The following DDX39B variants were observed in gnomAD, a reference collection of about 807,000 sequenced individuals.
DDX39B encodes the protein spliceosome RNA helicase DDX39B.
In DDX39B, 6 loss-of-function variants were observed where a neutral mutation model predicts 46.4. That is an observed-to-expected ratio of 0.13 (90% CI 0.07 to 0.26). The LOEUF (loss-of-function observed/expected upper bound fraction) is 0.26. DDX39B is among the 10% of genes least tolerant of loss of function. DDX39B has a pLI of 1.00. For missense variants in DDX39B, 185 were observed against 553.4 expected (o/e 0.33, Z 6.68); for synonymous variants, 174 against 199.4 (o/e 0.87, Z 1.07).
Position 31,534,650 on chromosome 6 carries a change from C to A in DDX39B, c.735+717G>T. 2 of 369,604 alleles carry A rather than the reference C, an allele frequency of 5.4e-6. No individual in the cohort carries two copies. The highest frequency in any genetic ancestry group is 2.1e-5 in the South Asian group (1 of 47,484). The allele number at this position is 369,604 out of a possible 1,614,324, so 22.9% of individuals were successfully genotyped here. ...AAAAAACCGGGAACGGAAAAAGAGG[C>A]TGGTTTGGTCCTCAGCTTCCTGGTC... On this transcript the variant is annotated intron_variant, in intron 6 of 10. Transcript: ENST00000396172. The surrounding 1 kb of genome is among the most constrained non-coding windows in gnomAD (Gnocchi z 5.1).
intron 4 of DDX39B, among the ~76,000 whole-genome samples, chr6:31,536,894 GACAATA>G (rs1222065935): frequency 6.6e-6 from 1 of 152,174 alleles, no homozygotes; most frequent in Non-Finnish European, 1.5e-5. Context: ...GAGCAGTCAG[GACAATA>G]ATTCAGTTCT....
intron 4 of DDX39B, among the ~76,000 whole-genome samples, chr6:31,538,370 G>C (rs1251485322): frequency 6.6e-6 from 1 of 151,992 alleles, no homozygotes; most frequent in Non-Finnish European, 1.5e-5. Context: ...TGGCCACATT[G>C]GTCTTAAACT....
chr6:31,536,474 A>G, intron 5 of DDX39B, 26 bp downstream of exon 5: 2 of 1,613,026 alleles, frequency 1.2e-6, no homozygotes, highest in Non-Finnish European at 1.7e-6. Context: ...CCCCAGCATT[A>G]GCCAAGCCCC....
chr6:31,536,231 A>C, intron 5 of DDX39B: 1 of 551,528 alleles, frequency 1.8e-6, no homozygotes. Flanking sequence ...CTATAATGAA[A>C]ACGGTGGTGG....
intron 3 of DDX39B, 68 bp from the exon 4 acceptor site, chr6:31,538,923 CTG>C (rs2150342360): frequency 1.3e-6 from 2 of 1,548,616 alleles, no homozygotes; most frequent in Non-Finnish European, 1.8e-6. Context: ...AGGGAAGTGA[CTG>C]TCACAAAAAC....
At position 31,534,721 on chromosome 6, in the gene DDX39B, G is replaced by A. The variant is rs1767587336; in HGVS notation, c.735+646C>T. The A allele has an allele frequency of 2.8e-5, 10 of 351,020 alleles. No homozygotes were observed. The highest frequency in any genetic ancestry group is 1.1e-4 in the South Asian group (5 of 44,818). 21.7% of individuals were successfully genotyped at this position (351,020 alleles called of 1,614,324 possible). On this transcript the variant is annotated intron_variant, in intron 6 of 10. Coordinates refer to ENST00000396172, the MANE Select transcript of DDX39B (RefSeq NM_004640.7). This position sits in a 1 kb window ranked among gnomAD's most constrained non-coding sequence, Gnocchi z 5.1. ...CTGCCGCCATCCACCGCTGGGTGCC[G>A]TCTGCATTCCCTCGCCGCGCCACGG...
chr6:31,538,348 G>A (rs1768016090), intron 4 of DDX39B, among the ~76,000 whole-genome samples: 1 of 151,994 alleles, frequency 6.6e-6, no homozygotes, highest in Admixed American at 6.6e-5. Flanking sequence ...TAGAGAGAGG[G>A]TTTCATCCTG....
At position 31,536,683 on chromosome 6, in the gene DDX39B, C is replaced by A; in HGVS notation, c.433G>T (p.Val145Phe). The stretch of plus-strand genomic sequence containing the variant: ...GACAGACCACCAAAAAAAACAGCAA[C>A]CTGCCGAGCCAGAAGCAAAGAGTCT... ...RFSKYMPNVK[V>F]AVFFGGLSIK... Residue 145 changes from valine (V) to phenylalanine (F), a missense_variant and splice_region_variant, in exon 5 of 11, where the codon GTT (valine) becomes TTT (phenylalanine). Physicochemically the swap from Val to Phe is conservative, Grantham distance 50 (BLOSUM62 -1). This residue lies in a region of DDX39B where 110 missense variants were observed against 282.2 expected (regional missense o/e 0.39). Transcript: ENST00000396172. The A allele has an allele frequency of 6.2e-7, 1 of 1,612,062 alleles. No homozygotes were observed. The highest frequency in any genetic ancestry group is 8.5e-7 in the Non-Finnish European group (1 of 1,179,736).
In DDX39B at chr6:31,531,246, C is replaced by CT; in HGVS notation, c.977+49dup. ...ACATGTTGAGATTCCCTTCTCTCAACTGTCTTTTTCTCCCAAGGACACAAA... is the reference window on the plus strand; with the variant it reads ...ACATGTTGAGATTCCCTTCTCTCAACTTGTCTTTTTCTCCCAAGGACACAAA... On this transcript the variant is annotated intron_variant, in intron 8 of 10. Coordinates refer to ENST00000396172, the MANE Select transcript of DDX39B (RefSeq NM_004640.7). This position sits in a 1 kb window ranked among gnomAD's most constrained non-coding sequence, Gnocchi z 5.8. 6.2e-7 allele frequency: 1 copy of CT among 1,614,092 alleles called. No homozygotes were observed. Among genetic ancestry groups the CT allele is most frequent in the African/African-American group, 1.3e-5 (1 of 75,046 alleles).
intron 2 of DDX39B, among the ~76,000 whole-genome samples, chr6:31,539,657 G>T (rs528443183): frequency 2.0e-5 from 3 of 152,124 alleles, no homozygotes; most frequent in African/African-American, 2.4e-5. Flanking sequence ...TTCGGGTCAC[G>T]TAACTACTAC....
Position 31,539,012 on chromosome 6 carries a change from C to A in DDX39B, c.339+135G>T, listed in dbSNP as rs774516094. 5 of 1,529,250 alleles carry A rather than the reference C, an allele frequency of 3.3e-6. No individual in the cohort carries two copies. In the Admixed American group the frequency reaches 8.3e-5, roughly 26 times the overall value. The allele number at this position is 1,529,250 out of a possible 1,614,324, so 94.7% of individuals were successfully genotyped here. ...CCCACGCTTGCGACAGAACATCCCC[C>A]ACAGCTGTCAGGTTGTCAAGGGTAA... is the stretch of plus-strand genomic sequence containing the variant. On this transcript the variant is annotated intron_variant, in intron 3 of 10. Transcript: ENST00000396172.
In DDX39B at chr6:31,531,601, G is replaced by A. The variant is rs969662861; in HGVS notation, c.868-196C>T. 7 of 593,580 alleles carry A rather than the reference G, an allele frequency of 1.2e-5. No individual in the cohort carries two copies. Among genetic ancestry groups the A allele is most frequent in the Admixed American group, 9.7e-5 (3 of 30,802 alleles). 36.8% of individuals were successfully genotyped at this position (593,580 alleles called of 1,614,324 possible). On this transcript the variant is annotated intron_variant, in intron 7 of 10. Coordinates refer to ENST00000396172, the MANE Select transcript of DDX39B (RefSeq NM_004640.7). This position sits in a 1 kb window ranked among gnomAD's most constrained non-coding sequence, Gnocchi z 5.8. ...ACTTCAGCACTGATTTTTCCCTAAG[G>A]AAGCTGGCCTCTGAGGTAGCACAGA...
chr6:31,538,956 T>C (rs1768085927), intron 3 of DDX39B, 101 bp from the exon 4 acceptor site: 1 of 1,479,018 alleles, frequency 6.8e-7, no homozygotes, highest in Non-Finnish European at 9.5e-7. Context: ...CGATAATAAA[T>C]GACTTCAATT....
Position 31,530,239 on chromosome 6 carries a change from T to G in DDX39B, c.*195A>C. The stretch of plus-strand genomic sequence containing the variant: ...AGCACTTATAGATACCACAGACACA[T>G]GTGTTTCATTTTTAGTTTTGTTAAA... On this transcript the variant is annotated 3_prime_UTR_variant, in exon 11 of 11. Coordinates refer to ENST00000396172, the MANE Select transcript of DDX39B (RefSeq NM_004640.7). This position sits in a 1 kb window ranked among gnomAD's most constrained non-coding sequence, Gnocchi z 4.5. 2 of 783,410 alleles carry G rather than the reference T, an allele frequency of 2.6e-6. No homozygotes were observed. The highest frequency in any genetic ancestry group is 1.9e-5 in the South Asian group (1 of 53,448). 48.5% of individuals were successfully genotyped at this position (783,410 alleles called of 1,614,324 possible).
chr6:31,530,522 C>T lies in DDX39B; in HGVS notation c.1271-72G>A. The T allele has an allele frequency of 6.3e-7, 1 of 1,598,242 alleles. No individual in the cohort carries two copies. The highest frequency in any genetic ancestry group is 8.6e-7 in the Non-Finnish European group (1 of 1,167,520). ...AAGTGAGGCAGGAACACACGGCACA[C>T]ATGCAGACACTGGTGTACTGCCTGG... On this transcript the variant is annotated intron_variant, in intron 10 of 10. Coordinates refer to ENST00000396172, the MANE Select transcript of DDX39B (RefSeq NM_004640.7). The surrounding 1 kb of genome is among the most constrained non-coding windows in gnomAD (Gnocchi z 4.5).
intron 4 of DDX39B, among the ~76,000 whole-genome samples, chr6:31,536,952 G>A (rs1006305599): frequency 6.6e-6 from 1 of 152,022 alleles, no homozygotes; most frequent in Admixed American, 6.6e-5. Context: ...ATGAGGCCAG[G>A]CTTCATTTAA....
At chr6:31,533,323 C>A in intron 6 of DDX39B, 1 of 188,896 alleles carries the variant, frequency 5.3e-6, no homozygotes, top group Non-Finnish European at 1.1e-5. Flanking sequence ...CAGAATAACT[C>A]CATCAGAGGT....
At position 31,532,913 on chromosome 6, in the gene DDX39B, TGGG is replaced by T; in HGVS notation, c.736-5_736-3del. ...ATCATCCACGAAGATCTCCATTGGC[TGGG>T]GGGGAGGAAGGGGGTGGGGAACGGG... On this transcript the variant is annotated splice_polypyrimidine_tract_variant and splice_region_variant and intron_variant, in intron 6 of 10. Transcript: ENST00000396172. 3 of 443,338 alleles carry T rather than the reference TGGG, an allele frequency of 6.8e-6. No individual in the cohort carries two copies. Among genetic ancestry groups the T allele is most frequent in the Non-Finnish European group, 1.0e-5 (3 of 293,096 alleles). 27.5% of individuals were successfully genotyped at this position (443,338 alleles called of 1,614,324 possible).
At chr6:31,538,013 G>A (rs9267485) in intron 4 of DDX39B, among the ~76,000 whole-genome samples, 124,119 of 152,070 alleles carry the variant, frequency 0.82, 50,772 homozygotes, top group East Asian at 0.91. Context: ...CACAGCCTGA[G>A]GGACACAGCG....
Sources: gnomAD v4.1 joint callset for allele counts (sites outside exome capture counted in the v4.1 genomes callset) on GRCh38, gnomAD v4.1.1 for gene constraint, gnomAD v4.1.1 regional missense constraint, Gnocchi (gnomAD v3.1) non-coding constraint, MANE v1.5 for transcripts, NCBI Gene and HGNC (gene_info 2026-07-23, HGNC 2026-07-21) for gene names.